Variants in TIAL1 observed in about 807,000 individuals in gnomAD.
The protein encoded by TIAL1 is TIA1 cytotoxic granule associated RNA binding protein like 1, also known as nucleolysin TIAR.
TIAL1 carries 7 observed loss-of-function variants against 59.7 expected under a neutral mutation model. The observed-to-expected ratio is 0.12, with a 90% CI of 0.07 to 0.22. TIAL1 has a LOEUF of 0.22. Ranked by LOEUF, TIAL1 falls within the 10% of genes least tolerant of loss-of-function variation. TIAL1 has a pLI of 1.00. For synonymous variants in TIAL1, 149 were observed against 146.3 expected (o/e 1.02, Z -0.13); for missense variants, 225 against 462.5 (o/e 0.49, Z 4.71).
chr10:119,584,105 T>C (rs1241605839), intron 2 of TIAL1, among the ~76,000 whole-genome samples: 1 of 152,170 alleles, frequency 6.6e-6, no homozygotes, highest in Non-Finnish European at 1.5e-5. Flanking sequence ...TTTAGGAAAC[T>C]AGTCTACTCG....
At chr10:119,579,319 C>G (rs1845188249) in intron 6 of TIAL1, among the ~76,000 whole-genome samples, 1 of 152,086 alleles carries the variant, frequency 6.6e-6, no homozygotes, top group African/African-American at 2.4e-5. Context: ...GCCTGGGCAA[C>G]AGAGCGAGAC....
At chr10:119,586,171 C>G (rs1226587496) in intron 2 of TIAL1, among the ~76,000 whole-genome samples, 1 of 152,196 alleles carries the variant, frequency 6.6e-6, no homozygotes, top group East Asian at 1.9e-4. Flanking sequence ...TAATTCATGT[C>G]TTAAATCTAA....
At chr10:119,588,344 T>C (rs1234302206) in intron 1 of TIAL1, 96 bp from the exon 2 acceptor site, 7 of 656,174 alleles carry the variant, frequency 1.1e-5, no homozygotes, top group African/African-American at 1.9e-5. Flanking sequence ...TCTTTCTTTC[T>C]TTCTTTCTTT....
chr10:119,591,603 T>C (rs1589884494), intron 1 of TIAL1, among the ~76,000 whole-genome samples: 1 of 152,306 alleles, frequency 6.6e-6, no homozygotes, highest in South Asian at 2.1e-4. Flanking sequence ...TTCCTATTTT[T>C]CAAATTATCT....
chr10:119,578,604 C>T, intron 7 of TIAL1, 122 bp downstream of exon 7: 1 of 860,418 alleles, frequency 1.2e-6, no homozygotes, highest in Non-Finnish European at 1.9e-6. Context: ...GCACTCCAGC[C>T]TGGGCAACAG....
chr10:119,579,249 G>T (rs758003731), intron 6 of TIAL1, among the ~76,000 whole-genome samples: 1 of 152,046 alleles, frequency 6.6e-6, no homozygotes, highest in African/African-American at 2.4e-5. Context: ...GAGGCAGCGC[G>T]ATCGCTTGAA....
At chr10:119,583,962 A>G (rs1845418478) in intron 2 of TIAL1, among the ~76,000 whole-genome samples, 1 of 152,202 alleles carries the variant, frequency 6.6e-6, no homozygotes, top group African/African-American at 2.4e-5. Flanking sequence ...AATAAATAAG[A>G]GGCTAAAATT....
In TIAL1 at chr10:119,575,425, C is replaced by T. The variant is rs564146783; in HGVS notation, c.*240G>A. Reference sequence around the variant, plus strand: ...TTGTAGTCAGAATTGTCTTTATTGACTTTATTTTAGTTTTTGTACATAAAG... The same window carrying T: ...TTGTAGTCAGAATTGTCTTTATTGATTTTATTTTAGTTTTTGTACATAAAG... On this transcript the variant is annotated 3_prime_UTR_variant, in exon 12 of 12. Transcript: ENST00000436547. The T allele has an allele frequency of 1.0e-4, 37 of 364,764 alleles. No homozygotes were observed. Among genetic ancestry groups the T allele is most frequent in the Middle Eastern group, 1.6e-3 (2 of 1,238 alleles). 22.6% of individuals were successfully genotyped at this position (364,764 alleles called of 1,614,324 possible). A position where few individuals can be genotyped will look rare whatever the true frequency, so the allele number is the denominator to read the frequency against.
chr10:119,585,122 C>CAA (rs34500092), intron 2 of TIAL1, among the ~76,000 whole-genome samples: 6 of 46,488 alleles, frequency 1.3e-4, no homozygotes, highest in African/African-American at 4.0e-4. Flanking sequence ...GATTCCATCT[C>CAA]AAAAAAAAAA....
At chr10:119,595,437 T>TAAAA (rs3064561) in intron 1 of TIAL1, among the ~76,000 whole-genome samples, 320 of 139,870 alleles carry the variant, frequency 2.3e-3, no homozygotes, top group South Asian at 0.017. Flanking sequence ...TATTCAGACT[T>TAAAA]AAAAAAAAAA....
At position 119,582,274 on chromosome 10, in the gene TIAL1, C is replaced by T. The variant is rs1279215710; in HGVS notation, c.229-51G>A. ...AAATTATTAGGCATGTCATGAGTTA[C>T]AACACTTACCACTTATTAAATCATT... On this transcript the variant is annotated intron_variant, in intron 3 of 11. Transcript: ENST00000436547. This position sits in a 1 kb window ranked among gnomAD's most constrained non-coding sequence, Gnocchi z 5.1. The T allele has an allele frequency of 7.3e-6, 11 of 1,504,724 alleles. No individual in the cohort carries two copies. Among genetic ancestry groups the T allele is most frequent in the African/African-American group, 1.4e-5 (1 of 70,912 alleles). The allele number at this position is 1,504,724 out of a possible 1,614,324, so 93.2% of individuals were successfully genotyped here.
intron 11 of TIAL1, 87 bp downstream of exon 11, chr10:119,576,524 T>C: frequency 6.6e-7 from 1 of 1,517,978 alleles, no homozygotes; most frequent in Non-Finnish European, 8.9e-7. Context: ...TGTATATAAT[T>C]AAAATAGATT....
intron 1 of TIAL1, among the ~76,000 whole-genome samples, chr10:119,595,981 G>A (rs1419175648): frequency 6.6e-6 from 1 of 151,990 alleles, no homozygotes; most frequent in African/African-American, 2.4e-5. Flanking sequence ...TCGAGCTGAG[G>A]ACGTGGAAGG....
chr10:119,593,543 A>G (rs1179760162), intron 1 of TIAL1: 5 of 961,816 alleles, frequency 5.2e-6, no homozygotes, highest in African/African-American at 1.8e-5. Context: ...CTAGTAACAC[A>G]CAGGCATCTT....
Position 119,577,658 on chromosome 10 carries a change from A to G in TIAL1, c.635T>C (p.Ile212Thr). Residue 212 changes from isoleucine (I) to threonine (T), a missense_variant, in exon 8 of 12, where the codon ATT becomes ACT. Transcript: ENST00000436547. ...PKNCTVYCGG[I>T]ASGLTDQLMR... is the part of the protein sequence containing the mutation. Reference sequence around the variant, plus strand: ...CATTGTACCTGTTAACCCAGACGCAATTCCTCCACAGTACACAGTACAATT... The same window carrying G: ...CATTGTACCTGTTAACCCAGACGCAGTTCCTCCACAGTACACAGTACAATT... 1 of 1,614,146 alleles carries G rather than the reference A, an allele frequency of 6.2e-7. No homozygotes were observed. Among genetic ancestry groups the G allele is most frequent in the Non-Finnish European group, 8.5e-7 (1 of 1,179,996 alleles).
rs371998825 is a variant in TIAL1, at chr10:119,575,642, C to A, written c.*23G>T. 4.3e-6 allele frequency: 7 copies of A among 1,612,896 alleles called. No individual in the cohort carries two copies. The highest frequency in any genetic ancestry group is 5.9e-6 in the Non-Finnish European group (7 of 1,179,452). ...GGAAATCGAAGCCTATCATGAATTA[C>A]AATTTTTTTTTAGAGTCCCGGCTCA... On this transcript the variant is annotated 3_prime_UTR_variant, in exon 12 of 12. Transcript: ENST00000436547.
At chr10:119,583,801 T>C (rs1294238029) in intron 2 of TIAL1, among the ~76,000 whole-genome samples, 2 of 152,184 alleles carry the variant, frequency 1.3e-5, no homozygotes, top group Admixed American at 6.5e-5. Context: ...TGGGCTCTCA[T>C]ACAAAATCCT....
At chr10:119,588,019 C>T in intron 2 of TIAL1, 133 bp downstream of exon 2, 1 of 500,960 alleles carries the variant, frequency 2.0e-6, no homozygotes, top group Admixed American at 4.3e-5. Context: ...GTTTGTCAGC[C>T]AAATCAAAGT....
Position 119,576,825 on chromosome 10 carries a change from AAG to A in TIAL1, c.862-77_862-76del. On this transcript the variant is annotated intron_variant, in intron 10 of 11. Transcript: ENST00000436547. Reference sequence around the variant, plus strand: ...TATGAAGAAAGAGTGGGAGACAAGGAAGAGAAAAACTAAGTAAGCACCCTTAT... The same window carrying A: ...TATGAAGAAAGAGTGGGAGACAAGGAAGAAAAACTAAGTAAGCACCCTTAT... The A allele has an allele frequency of 3.2e-6, 5 of 1,568,378 alleles. No homozygotes were observed. The South Asian group carries it at 4.8e-5, about 15-fold the overall frequency.
Sources: allele counts gnomAD v4.1 joint callset (sites outside exome capture counted in the v4.1 genomes callset), GRCh38; gene constraint gnomAD v4.1.1; non-coding constraint Gnocchi (gnomAD v3.1); transcripts MANE v1.5; gene names NCBI Gene and HGNC (gene_info 2026-07-23, HGNC 2026-07-21).